The following MKRN2OS variants were observed in gnomAD, a reference collection of about 807,000 sequenced individuals.
The protein encoded by MKRN2OS is MKRN2 opposite strand protein.
In MKRN2OS, 17 loss-of-function variants were observed where a neutral mutation model predicts 18.2. The ratio of observed to expected loss-of-function variants is 0.93; its 90% CI spans 0.64 to 1.40. The LOEUF is 1.40. Ranked by LOEUF, MKRN2OS falls within the 40% of genes most tolerant of loss-of-function variation. MKRN2OS has a pLI of 0.00. For missense variants in MKRN2OS, 337 were observed against 283.0 expected (o/e 1.19, Z -1.37); for synonymous variants, 121 against 108.5 (o/e 1.12, Z -0.72).
At chr3:12,560,478 TAAAAA>T (rs10651248) in intron 1 of MKRN2OS, among the ~76,000 whole-genome samples, 1 of 124,970 alleles carries the variant, frequency 8.0e-6, no homozygotes, top group African/African-American at 2.8e-5. Context: ...TAGGAAAATG[TAAAAA>T]AAAAAAAAAA....
chr3:12,557,770 A>T (rs1191904391), intron 1 of MKRN2OS, among the ~76,000 whole-genome samples: 1 of 152,246 alleles, frequency 6.6e-6, no homozygotes, highest in Non-Finnish European at 1.5e-5. Context: ...ACAGTAAGAC[A>T]ACTTAGTAGT....
chr3:12,542,612 C>T (rs866233156), intron 2 of MKRN2OS, among the ~76,000 whole-genome samples: 1 of 151,772 alleles, frequency 6.6e-6, no homozygotes, highest in Non-Finnish European at 1.5e-5. Context: ...CCACCCAGGA[C>T]CTTTTCCTGC....
At chr3:12,544,660 CAA>C (rs1428162718) in intron 1 of MKRN2OS, among the ~76,000 whole-genome samples, 2 of 147,206 alleles carry the variant, frequency 1.4e-5, no homozygotes, top group Non-Finnish European at 3.0e-5. Flanking sequence ...GCCTGGGCAA[CAA>C]GAGCGAAACT....
At chr3:12,547,638 T>G (rs1279359133), upstream of MKRN2OS, among the ~76,000 whole-genome samples, 1 of 152,160 alleles carries the variant, frequency 6.6e-6, no homozygotes, top group Non-Finnish European at 1.5e-5. Flanking sequence ...GTGATACAGG[T>G]CTAGTTCATT....
At chr3:12,552,906 C>G (rs1459090184), downstream of MKRN2OS, among the ~76,000 whole-genome samples, 1 of 150,930 alleles carries the variant, frequency 6.6e-6, no homozygotes, top group Non-Finnish European at 1.5e-5. Context: ...GCCTGGCGCA[C>G]ACCTGTAGCC....
At chr3:12,543,126 T>G in intron 2 of MKRN2OS, 54 bp downstream of exon 2, 1 of 1,402,586 alleles carries the variant, frequency 7.1e-7, no homozygotes, top group Non-Finnish European at 9.7e-7. Flanking sequence ...CCACAAATAC[T>G]GCTTTCCTTT....
At chr3:12,558,304 T>C (rs1351665644) in intron 1 of MKRN2OS, among the ~76,000 whole-genome samples, 1 of 152,184 alleles carries the variant, frequency 6.6e-6, no homozygotes, top group Non-Finnish European at 1.5e-5. Context: ...AAAAAGACTT[T>C]TACTAGGTTA....
rs891458474 is a variant in MKRN2OS at position 12,555,107 on chromosome 3, C to T, written n.265-973G>A. On this transcript the variant is annotated intron_variant and non_coding_transcript_variant, in intron 1 of 1. Transcript: ENST00000447550. ...GGTGGATTGCCTGAGCTCAGAAGTT[C>T]GAGACCAGCCTGGGCAACAGGGTGA... Among the ~76,000 whole-genome samples, 6 of 152,226 alleles carry T rather than the reference C, an allele frequency of 3.9e-5. No homozygotes were observed. In the East Asian group the frequency reaches 1.2e-3, roughly 29 times the overall value.
At chr3:12,549,236 C>G (rs537104927), upstream of MKRN2OS, among the ~76,000 whole-genome samples, 1 of 151,314 alleles carries the variant, frequency 6.6e-6, no homozygotes, top group African/African-American at 2.4e-5. Context: ...AGCCACCACA[C>G]CTGGCCTATG....
At chr3:12,545,196 C>T (rs1390213548) in intron 1 of MKRN2OS, 51 bp downstream of exon 1, 1 of 1,385,878 alleles carries the variant, frequency 7.2e-7, no homozygotes, top group South Asian at 1.4e-5. Flanking sequence ...GTGACTAAAA[C>T]AGAAGGAAAA....
At chr3:12,552,389 A>G (rs915108421), downstream of MKRN2OS, among the ~76,000 whole-genome samples, 1 of 149,988 alleles carries the variant, frequency 6.7e-6, no homozygotes, top group Non-Finnish European at 1.5e-5. Flanking sequence ...AAGCAATTAG[A>G]TATTTTAATT....
At chr3:12,557,061 T>G in intron 1 of MKRN2OS, 21 of 1,036,418 alleles carry the variant, frequency 2.0e-5, no homozygotes, top group East Asian at 4.3e-5. Flanking sequence ...GTGACGCGGC[T>G]ACGCGGGATG....
Position 12,545,392 on chromosome 3 carries a change from C to T in MKRN2OS, c.73G>A (p.Val25Met). The T allele has an allele frequency of 6.5e-7, 1 of 1,535,932 alleles. No homozygotes were observed. Among genetic ancestry groups the T allele is most frequent in the Non-Finnish European group, 8.7e-7 (1 of 1,146,876 alleles). Residue 25 changes from valine to methionine, a missense_variant, in exon 1 of 4, where the codon GTG becomes ATG. Transcript: ENST00000564146. The part of the protein sequence containing the change: ...HCEKYIYSFS[V>M]PQCCPLCQQD... Reference sequence around the variant, plus strand: ...TGGCAGAGAGGGCAGCACTGGGGCACACTGAAGCTGTAGATGTATTTCTCA... The same window carrying T: ...TGGCAGAGAGGGCAGCACTGGGGCATACTGAAGCTGTAGATGTATTTCTCA...
upstream of MKRN2OS, among the ~76,000 whole-genome samples, chr3:12,548,408 A>G (rs1228688083): frequency 7.0e-6 from 1 of 143,550 alleles, no homozygotes; most frequent in East Asian, 2.4e-4. Context: ...AGATCGCGCC[A>G]CTGCACTCCA....
At chr3:12,544,333 T>G (rs1294635659) in intron 1 of MKRN2OS, among the ~76,000 whole-genome samples, 1 of 152,148 alleles carries the variant, frequency 6.6e-6, no homozygotes, top group Admixed American at 6.5e-5. Context: ...AAAGCCTGGC[T>G]TATGCTGGGC....
Position 12,540,873 on chromosome 3 carries a change from A to G in MKRN2OS, c.432-440T>C, listed in dbSNP as rs551064087. Among the ~76,000 whole-genome samples, 55 of 110,514 alleles carry G rather than the reference A, an allele frequency of 5.0e-4. No homozygotes were observed. In the East Asian group the frequency reaches 0.012, roughly 24 times the overall value. 72.5% of individuals were successfully genotyped at this position (110,514 alleles called of 152,430 possible). On this transcript the variant is annotated intron_variant, in intron 3 of 3. Coordinates refer to ENST00000564146, the MANE Select transcript of MKRN2OS (RefSeq NM_001195279.2). Reference sequence around the variant, plus strand: ...TGGGTGACAGAGTGAGTAAGACTCCATCTCAAAAAAAAAAAAAAAAAAAAA... The same window carrying G: ...TGGGTGACAGAGTGAGTAAGACTCCGTCTCAAAAAAAAAAAAAAAAAAAAA...
chr3:12,558,318 G>A (rs549053185), intron 1 of MKRN2OS, among the ~76,000 whole-genome samples: 1 of 152,140 alleles, frequency 6.6e-6, no homozygotes, highest in Non-Finnish European at 1.5e-5. Flanking sequence ...TAGGTTATTT[G>A]TACTAGAAGG....
intron 3 of MKRN2OS, among the ~76,000 whole-genome samples, chr3:12,541,160 A>C (rs115685360): frequency 0.013 from 1,965 of 152,158 alleles, 46 homozygotes; most frequent in African/African-American, 0.044. Flanking sequence ...TGAGAGTGAG[A>C]AATTAACTGG....
upstream of MKRN2OS, among the ~76,000 whole-genome samples, chr3:12,550,042 A>T (rs1389125134): frequency 2.0e-5 from 3 of 152,200 alleles, no homozygotes; most frequent in Admixed American, 6.6e-5. Flanking sequence ...CCAGTTTATT[A>T]CAAAACTCAA....
Sources: allele counts gnomAD v4.1 joint callset (sites outside exome capture counted in the v4.1 genomes callset), GRCh38; gene constraint gnomAD v4.1.1; transcripts MANE v1.5; gene names NCBI Gene and HGNC (gene_info 2026-07-23, HGNC 2026-07-21).